CHD9: variants seen among roughly 807,000 people sequenced by gnomAD.
CHD9 encodes chromodomain helicase DNA binding protein 9, also known as ATP-dependent chromatin remodeler CHD9.
Under a neutral mutation model 316.1 loss-of-function variants are expected in CHD9, and 77 were observed. That is an observed-to-expected ratio of 0.24 (90% CI 0.20 to 0.29). CHD9 has a LOEUF of 0.29. Ranked by LOEUF, CHD9 falls within the 10% of genes least tolerant of loss-of-function variation. CHD9 has a pLI of 1.00. For synonymous variants in CHD9, 1,129 were observed against 1,158.3 expected (o/e 0.97, Z 0.51); for missense variants, 2,763 against 3,438.1 (o/e 0.80, Z 4.91).
intron 1 of CHD9, among the ~76,000 whole-genome samples, chr16:53,113,364 C>CTTT (rs35792251): frequency 0.018 from 2,101 of 115,946 alleles, 88 homozygotes; most frequent in East Asian, 0.09. Flanking sequence ...AATCTTGGCA[C>CTTT]TTTTTTTTTT....
chr16:53,283,168 G>T, intron 24 of CHD9, among the ~76,000 whole-genome samples: 1 of 152,032 alleles, frequency 6.6e-6, no homozygotes, highest in Non-Finnish European at 1.5e-5. Context: ...TAACCTCTCA[G>T]ATCTGGGTTA....
chr16:53,283,340 G>A (rs991440679), intron 24 of CHD9, among the ~76,000 whole-genome samples: 6 of 152,218 alleles, frequency 3.9e-5, no homozygotes, highest in African/African-American at 1.4e-4. Context: ...CCCTGGGGAA[G>A]TTAAAGGAGG....
At chr16:53,249,467 C>T (rs1202500820) in intron 16 of CHD9, among the ~76,000 whole-genome samples, 3 of 152,024 alleles carry the variant, frequency 2.0e-5, no homozygotes, top group Non-Finnish European at 4.4e-5. Context: ...GTATGTCAGT[C>T]GAGAGTAACA....
intron 20 of CHD9, among the ~76,000 whole-genome samples, chr16:53,266,591 G>A (rs893780522): frequency 6.6e-6 from 1 of 152,106 alleles, no homozygotes. Context: ...ATCCCAAATA[G>A]CATTTGTTTA....
intron 1 of CHD9, among the ~76,000 whole-genome samples, chr16:53,098,426 A>T (rs535952390): frequency 4.1e-5 from 6 of 148,114 alleles, no homozygotes; most frequent in Middle Eastern, 3.5e-3. Flanking sequence ...CAGTGAGCTG[A>T]TATGGCTCTG....
chr16:53,177,788 AATGGAAGCACTG>A (rs1252997832), intron 2 of CHD9, among the ~76,000 whole-genome samples: 2 of 152,184 alleles, frequency 1.3e-5, no homozygotes, highest in Non-Finnish European at 2.9e-5. Flanking sequence ...ATCCTTGATA[AATGGAAGCACTG>A]ATTTGAATTT....
intron 1 of CHD9, among the ~76,000 whole-genome samples, chr16:53,145,407 T>C (rs1231756817): frequency 6.6e-6 from 1 of 151,060 alleles, no homozygotes; most frequent in East Asian, 2.0e-4. Context: ...CACCTCGGCC[T>C]CCCAAAGTGC....
At chr16:53,243,108 AT>A in intron 13 of CHD9, 92 bp downstream of exon 13, 1 of 852,022 alleles carries the variant, frequency 1.2e-6, no homozygotes, top group Non-Finnish European at 1.7e-6. Context: ...TTTCTTTTTA[AT>A]TTTAGAGTGT....
intron 24 of CHD9, among the ~76,000 whole-genome samples, chr16:53,279,840 G>A (rs894685218): frequency 1.3e-5 from 2 of 151,854 alleles, no homozygotes; most frequent in African/African-American, 4.8e-5. Context: ...AAAAAGAAAA[G>A]TTCCATCAAA....
intron 4 of CHD9, among the ~76,000 whole-genome samples, chr16:53,226,016 G>A (rs2152916161): frequency 6.6e-6 from 1 of 152,168 alleles, no homozygotes; most frequent in Admixed American, 6.5e-5. Context: ...GAAAAGTAAT[G>A]TAGTAATAAA....
chr16:53,110,068 G>A (rs927065030), intron 1 of CHD9, among the ~76,000 whole-genome samples: 4 of 152,178 alleles, frequency 2.6e-5, no homozygotes, highest in African/African-American at 9.6e-5. Flanking sequence ...CAGGAGCCGA[G>A]TAAAGCTATG....
At chr16:53,178,156 T>C (rs963167869) in intron 2 of CHD9, among the ~76,000 whole-genome samples, 1 of 152,180 alleles carries the variant, frequency 6.6e-6, no homozygotes, top group Non-Finnish European at 1.5e-5. Context: ...ATATATCCTT[T>C]TGACCCCAGG....
chr16:53,176,202 G>T (rs1296975958), intron 2 of CHD9, among the ~76,000 whole-genome samples: 2 of 152,178 alleles, frequency 1.3e-5, no homozygotes, highest in Non-Finnish European at 2.9e-5. Context: ...AATTTTCTTG[G>T]CCAGTTTATA....
At chr16:53,147,168 G>T (rs538696835) in intron 1 of CHD9, among the ~76,000 whole-genome samples, 1 of 152,148 alleles carries the variant, frequency 6.6e-6, no homozygotes, top group African/African-American at 2.4e-5. Context: ...AGCAAGGAAG[G>T]GGGAGTGTGA....
chr16:53,062,675 G>A (rs527586842), intron 1 of CHD9, among the ~76,000 whole-genome samples: 2 of 152,252 alleles, frequency 1.3e-5, no homozygotes, highest in Middle Eastern at 3.4e-3. Flanking sequence ...CCAGGAGTTC[G>A]AGGTTACAGT....
At chr16:53,116,944 GC>G (rs2038356477) in intron 1 of CHD9, among the ~76,000 whole-genome samples, 1 of 152,150 alleles carries the variant, frequency 6.6e-6, no homozygotes, top group African/African-American at 2.4e-5. Flanking sequence ...GGAGCTGGAA[GC>G]CTTTATCCTG....
chr16:53,110,272 C>T (rs1379010337), intron 1 of CHD9, among the ~76,000 whole-genome samples: 3 of 152,072 alleles, frequency 2.0e-5, no homozygotes, highest in South Asian at 2.1e-4. Context: ...CAGTTTCAAA[C>T]GATGAGGTGA....
intron 1 of CHD9, among the ~76,000 whole-genome samples, chr16:53,090,597 G>A (rs939732053): frequency 6.6e-6 from 1 of 152,176 alleles, no homozygotes; most frequent in African/African-American, 2.4e-5. Context: ...CTGTTTTTGT[G>A]TGCAGTCCAG....
At chr16:53,232,754 A>T (rs1338797300) in intron 10 of CHD9, among the ~76,000 whole-genome samples, 7 of 152,088 alleles carry the variant, frequency 4.6e-5, no homozygotes, top group African/African-American at 1.7e-4. Context: ...ATATATGTTA[A>T]TTATTTTAAT....
Sources: gnomAD v4.1 joint callset for allele counts (sites outside exome capture counted in the v4.1 genomes callset) on GRCh38, gnomAD v4.1.1 for gene constraint, MANE v1.5 for transcripts, NCBI Gene and HGNC (gene_info 2026-07-23, HGNC 2026-07-21) for gene names.